DPT: variants seen among roughly 807,000 people sequenced by gnomAD.
DPT encodes the protein dermatopontin.
DPT carries 21 observed loss-of-function variants against 31.2 expected under a neutral mutation model. That is an observed-to-expected ratio of 0.67 (90% CI 0.48 to 0.97). The LOEUF is 0.97. Among genes scored for constraint, DPT ranks in the 50% least tolerant of loss-of-function variants. The pLI, the probability that DPT is intolerant of heterozygous loss-of-function variation, is 0.00. For missense variants in DPT, 262 were observed against 258.8 expected (o/e 1.01, Z -0.08); for synonymous variants, 91 against 86.9 (o/e 1.05, Z -0.26).
intron 3 of DPT, among the ~76,000 whole-genome samples, chr1:168,697,678 A>G (rs1649494117): frequency 6.6e-6 from 1 of 152,224 alleles, no homozygotes. Context: ...AACAGTGATA[A>G]TGATAATTGT....
At chr1:168,718,344 G>C (rs1250769134) in intron 1 of DPT, among the ~76,000 whole-genome samples, 1 of 152,254 alleles carries the variant, frequency 6.6e-6, no homozygotes, top group African/African-American at 2.4e-5. Flanking sequence ...TGGCCCCAGT[G>C]CCTGTACGGG....
intron 3 of DPT, among the ~76,000 whole-genome samples, chr1:168,700,662 G>A (rs1025772507): frequency 2.6e-5 from 4 of 152,094 alleles, no homozygotes; most frequent in Non-Finnish European, 4.4e-5. Context: ...AAGGGATACC[G>A]AGTTTAGGAC....
rs1649461812 is a variant in DPT at position 168,696,208 on chromosome 1, T to C, written c.*341A>G. 2.3e-6 allele frequency: 1 copy of C among 430,536 alleles called. No individual in the cohort carries two copies. The highest frequency in any genetic ancestry group is 4.1e-6 in the Non-Finnish European group (1 of 245,718). 26.7% of individuals were successfully genotyped at this position (430,536 alleles called of 1,614,324 possible). A position where few individuals can be genotyped will look rare whatever the true frequency, so the allele number is the denominator to read the frequency against. ...CCACTATGCTGAACTTGCAGTTCAT[T>C]CTGCAGTAAAAAGCAGTAGCCAGGC... On this transcript the variant is annotated 3_prime_UTR_variant, in exon 4 of 4. Coordinates refer to ENST00000367817, the MANE Select transcript of DPT (RefSeq NM_001937.5).
intron 2 of DPT, 67 bp from the exon 3 acceptor site, chr1:168,701,191 A>G: frequency 1.7e-6 from 2 of 1,209,572 alleles, no homozygotes; most frequent in African/African-American, 1.5e-5. Flanking sequence ...CAAACAGAAG[A>G]CACACTATGA....
chr1:168,701,438 A>G (rs1332789552), intron 2 of DPT, among the ~76,000 whole-genome samples: 1 of 152,246 alleles, frequency 6.6e-6, no homozygotes, highest in East Asian at 1.9e-4. Flanking sequence ...TATTCTATTC[A>G]AGTCAACTAA....
chr1:168,696,881 T>A (rs1649480678), intron 3 of DPT, among the ~76,000 whole-genome samples: 1 of 152,230 alleles, frequency 6.6e-6, no homozygotes, highest in Non-Finnish European at 1.5e-5. Context: ...TCACCCCTGC[T>A]GCCTCCAGAA....
At chr1:168,723,791 T>A (rs1380683815) in intron 1 of DPT, among the ~76,000 whole-genome samples, 1 of 152,206 alleles carries the variant, frequency 6.6e-6, no homozygotes, top group Admixed American at 6.5e-5. Context: ...ATTCCACGAT[T>A]CTGTTGTACT....
intron 3 of DPT, among the ~76,000 whole-genome samples, chr1:168,700,273 G>C (rs142531657): frequency 1.2e-3 from 183 of 152,318 alleles, no homozygotes; most frequent in Non-Finnish European, 1.9e-3. Context: ...TGAGGACACA[G>C]TAATAAAGCA....
rs774126722 is a variant in DPT, at chr1:168,728,947, G to A, written c.228C>T (p.Ala76=). 1 of 1,614,236 alleles carries A rather than the reference G, an allele frequency of 6.2e-7. No individual in the cohort carries two copies. Among genetic ancestry groups the A allele is most frequent in the South Asian group, 1.1e-5 (1 of 91,084 alleles). ...CGAGGCTCTGTGGCGTGGGCATGCA[G>A]GCGTAGTTCCATTGTCTGTCAGAAC... ...KEGSDRQWNY[A]CMPTPQSLGE... is the part of the protein sequence containing the mutation. The change falls in exon 1 of 4, where the codon GCC becomes GCT. Residue 76 remains alanine, a synonymous_variant. Coordinates refer to ENST00000367817, the MANE Select transcript of DPT (RefSeq NM_001937.5).
At chr1:168,719,795 CT>C (rs35525984) in intron 1 of DPT, among the ~76,000 whole-genome samples, 107,191 of 150,220 alleles carry the variant, frequency 0.71, 39,172 homozygotes, top group African/African-American at 0.88. Flanking sequence ...AGAAGACATA[CT>C]TTTTTTTTTT....
At chr1:168,705,715 C>T (rs939992125) in intron 2 of DPT, among the ~76,000 whole-genome samples, 1 of 152,224 alleles carries the variant, frequency 6.6e-6, no homozygotes, top group Non-Finnish European at 1.5e-5. Flanking sequence ...ATATCCCATT[C>T]AAATGTCCTG....
chr1:168,710,528 G>A (rs1406960688), intron 2 of DPT, among the ~76,000 whole-genome samples: 1 of 152,176 alleles, frequency 6.6e-6, no homozygotes, highest in East Asian at 1.9e-4. Context: ...AACTTTGTGA[G>A]CAGAGACATG....
intron 2 of DPT, 144 bp downstream of exon 2, chr1:168,714,077 A>T: frequency 9.3e-7 from 1 of 1,069,892 alleles, no homozygotes; most frequent in Non-Finnish European, 1.3e-6. Context: ...ACATCCTCCT[A>T]AGTCATTCAT....
chr1:168,725,215 A>ATGCCT (rs1307069116), intron 1 of DPT, among the ~76,000 whole-genome samples: 1 of 110,716 alleles, frequency 9.0e-6, no homozygotes, highest in African/African-American at 3.6e-5. Context: ...TTTCCTTTCC[A>ATGCCT]TTCCTTTCCT....
chr1:168,719,043 G>T (rs1473536040), intron 1 of DPT, among the ~76,000 whole-genome samples: 1 of 152,166 alleles, frequency 6.6e-6, no homozygotes, highest in Non-Finnish European at 1.5e-5. Context: ...AGTATTCCAT[G>T]CAGTGTCTGA....
In DPT at chr1:168,729,116, T is replaced by C; in HGVS notation, c.59A>G (p.Tyr20Cys). The C allele has an allele frequency of 1.2e-6, 2 of 1,614,202 alleles. No homozygotes were observed. The highest frequency in any genetic ancestry group is 2.2e-5 in the East Asian group (1 of 44,888). ...CTGGTATGGGTATCCATAATCGCCA[T>C]ACTGGCCCCAGGCCATGGTGACTAG... ...LPLVTMAWGQ[Y>C]GDYGYPYQQY... Residue 20 changes from tyrosine (Y) to cysteine (C), a missense_variant, in exon 1 of 4, where the codon TAT becomes TGT. Tyr to Cys is a radical substitution (Grantham distance 194). Coordinates refer to ENST00000367817, the MANE Select transcript of DPT (RefSeq NM_001937.5).
chr1:168,708,235 G>C (rs1263033924), intron 2 of DPT, among the ~76,000 whole-genome samples: 1 of 151,872 alleles, frequency 6.6e-6, no homozygotes, highest in Non-Finnish European at 1.5e-5. Context: ...ATTCAAAGTT[G>C]GTTGAATTCT....
chr1:168,722,789 T>C (rs1040886181), intron 1 of DPT, among the ~76,000 whole-genome samples: 4 of 152,102 alleles, frequency 2.6e-5, no homozygotes, highest in African/African-American at 9.7e-5. Context: ...GGCTGCATTT[T>C]GAGAATTGTT....
chr1:168,724,604 G>A (rs1390771073), intron 1 of DPT, among the ~76,000 whole-genome samples: 1 of 152,094 alleles, frequency 6.6e-6, no homozygotes, highest in African/African-American at 2.4e-5. Context: ...CAGGCTGAGG[G>A]AGTGGAGACA....
Sources: allele counts gnomAD v4.1 joint callset (sites outside exome capture counted in the v4.1 genomes callset), GRCh38; gene constraint gnomAD v4.1.1; transcripts MANE v1.5; gene names NCBI Gene and HGNC (gene_info 2026-07-23, HGNC 2026-07-21).